CFAP299: variants seen among roughly 807,000 people sequenced by gnomAD.
The protein encoded by CFAP299 is cilia- and flagella-associated protein 299.
CFAP299 carries 21 observed loss-of-function variants against 27.0 expected under a neutral mutation model. The observed-to-expected ratio is 0.78, with a 90% CI of 0.55 to 1.12. CFAP299 has a LOEUF of 1.12. Among genes scored for constraint, CFAP299 ranks in the 50% most tolerant of loss-of-function variants. The probability of loss-of-function intolerance (pLI) is 0.00; values close to 1 mark genes in which losing one functional copy is unlikely to be tolerated. For synonymous variants in CFAP299, 104 were observed against 98.1 expected (o/e 1.06, Z -0.36); for missense variants, 310 against 276.6 (o/e 1.12, Z -0.86).
chr4:80,870,556 C>T (rs1733021912), intron 4 of CFAP299: 7 of 988,046 alleles, frequency 7.1e-6, no homozygotes, highest in Admixed American at 6.1e-5. Flanking sequence ...TCATCTCTGT[C>T]CTATTCTGGG....
intron 3 of CFAP299, among the ~76,000 whole-genome samples, chr4:80,708,994 CAAAAT>C (rs1266578448): frequency 6.6e-6 from 1 of 152,074 alleles, no homozygotes; most frequent in Non-Finnish European, 1.5e-5. Flanking sequence ...AAAAGTAACA[CAAAAT>C]AAATATCAGC....
chr4:80,871,783 G>GCAT (rs1465899339), intron 4 of CFAP299: 1 of 336,172 alleles, frequency 3.0e-6, no homozygotes. Flanking sequence ...AAACATCTTG[G>GCAT]CATTATCATA....
At chr4:80,377,497 C>T (rs1380377576) in intron 2 of CFAP299, among the ~76,000 whole-genome samples, 1 of 151,976 alleles carries the variant, frequency 6.6e-6, no homozygotes, top group African/African-American at 2.4e-5. Context: ...TTTATGCCAA[C>T]ATCACATTGC....
At chr4:80,950,018 A>G (rs1020294307) in intron 5 of CFAP299, among the ~76,000 whole-genome samples, 11 of 152,268 alleles carry the variant, frequency 7.2e-5, no homozygotes, top group Admixed American at 2.6e-4. Flanking sequence ...GCAAATTTTG[A>G]GTTGATGCTT....
At chr4:80,543,336 C>T (rs910477435) in intron 2 of CFAP299, among the ~76,000 whole-genome samples, 2 of 152,138 alleles carry the variant, frequency 1.3e-5, no homozygotes, top group Non-Finnish European at 2.9e-5. Context: ...TACCAGCTCC[C>T]CAGCAATGAT....
intron 3 of CFAP299, among the ~76,000 whole-genome samples, chr4:80,646,968 T>A (rs926933738): frequency 6.7e-5 from 10 of 148,168 alleles, no homozygotes; most frequent in African/African-American, 2.2e-4. Flanking sequence ...TCCAATTCTT[T>A]GAGAGAGAGA....
At chr4:80,511,784 A>G (rs552653500) in intron 2 of CFAP299, among the ~76,000 whole-genome samples, 2 of 152,234 alleles carry the variant, frequency 1.3e-5, no homozygotes, top group Non-Finnish European at 2.9e-5. Context: ...TTATCTTTTA[A>G]TGATATGGCC....
At chr4:80,327,732 C>CATATATAT in the CFAP299 span, among the ~76,000 whole-genome samples, 9 of 103,156 alleles carry the variant, frequency 8.7e-5, no homozygotes, top group African/African-American at 3.3e-4. Flanking sequence ...AACTTCAATA[C>CATATATAT]ATATATATAT....
intron 2 of CFAP299, among the ~76,000 whole-genome samples, chr4:80,406,714 C>CA (rs958094568): frequency 1.4e-4 from 21 of 151,134 alleles, no homozygotes; most frequent in African/African-American, 3.2e-4. Context: ...TCTATCAGGT[C>CA]AAAAAAAAAT....
intron 3 of CFAP299, among the ~76,000 whole-genome samples, chr4:80,633,834 T>G (rs1398009652): frequency 2.0e-5 from 3 of 152,188 alleles, no homozygotes; most frequent in East Asian, 3.8e-4. Flanking sequence ...CAGTTTTTCC[T>G]GAAAATAGTC....
intron 3 of CFAP299, among the ~76,000 whole-genome samples, chr4:80,824,895 C>T (rs570951606): frequency 7.2e-5 from 11 of 151,776 alleles, no homozygotes; most frequent in Non-Finnish European, 1.5e-4. Context: ...AAAGTATAGC[C>T]CATTCAAAGG....
chr4:80,400,408 C>T, intron 2 of CFAP299, among the ~76,000 whole-genome samples: 1 of 152,082 alleles, frequency 6.6e-6, no homozygotes, highest in Non-Finnish European at 1.5e-5. Context: ...TCCCAGAATT[C>T]CCACGTGTTG....
At chr4:80,671,970 C>A (rs146006840) in intron 3 of CFAP299, among the ~76,000 whole-genome samples, 1 of 152,138 alleles carries the variant, frequency 6.6e-6, no homozygotes, top group African/African-American at 2.4e-5. Flanking sequence ...TTGACTTCCT[C>A]TTTTCCTAAT....
chr4:80,620,326 G>A (rs371577453), intron 3 of CFAP299, among the ~76,000 whole-genome samples: 49 of 152,132 alleles, frequency 3.2e-4, no homozygotes, highest in African/African-American at 1.1e-3. Context: ...ACTTTTTATG[G>A]GTAGCAAATC....
intron 3 of CFAP299, among the ~76,000 whole-genome samples, chr4:80,641,195 A>C (rs1267143274): frequency 1.3e-5 from 2 of 152,050 alleles, no homozygotes; most frequent in Non-Finnish European, 2.9e-5. Context: ...ATATTTAGCT[A>C]TATAAACTAT....
chr4:80,387,565 C>G, intron 2 of CFAP299: 2 of 988,722 alleles, frequency 2.0e-6, no homozygotes, highest in South Asian at 2.7e-5. Context: ...CTCCTGCCTA[C>G]TGGGGTTCAG....
intron 4 of CFAP299, among the ~76,000 whole-genome samples, chr4:80,941,755 CTT>C (rs1329864496): frequency 6.6e-6 from 1 of 152,116 alleles, no homozygotes; most frequent in Non-Finnish European, 1.5e-5. Flanking sequence ...TTGGGGAGGT[CTT>C]AGGGAGCTTT....
At chr4:80,725,385 CTCT>C (rs1346311355) in intron 3 of CFAP299, among the ~76,000 whole-genome samples, 3 of 151,860 alleles carry the variant, frequency 2.0e-5, no homozygotes, top group African/African-American at 7.3e-5. Flanking sequence ...GAATCACTTT[CTCT>C]TCTTGACTTT....
chr4:80,344,540 T>C (rs1355111204), intron 1 of CFAP299, among the ~76,000 whole-genome samples: 1 of 152,096 alleles, frequency 6.6e-6, no homozygotes, highest in Non-Finnish European at 1.5e-5. Flanking sequence ...CAAGACCAGA[T>C]GTATTTACAC....
Sources: allele counts gnomAD v4.1 joint callset (sites outside exome capture counted in the v4.1 genomes callset), GRCh38; gene constraint gnomAD v4.1.1; transcripts MANE v1.5; gene names NCBI Gene and HGNC (gene_info 2026-07-23, HGNC 2026-07-21).